The following CADPS variants were observed in gnomAD, a reference collection of about 807,000 sequenced individuals.
CADPS encodes calcium dependent secretion activator, also known as calcium-dependent secretion activator 1.
In CADPS, 57 loss-of-function variants were observed where a neutral mutation model predicts 167.3. The observed-to-expected ratio is 0.34, with a 90% CI of 0.28 to 0.42. CADPS has a LOEUF of 0.42. CADPS is among the 20% of genes least tolerant of loss of function. The pLI is 1.00. For missense variants in CADPS, 1,414 were observed against 1,738.1 expected, an observed-to-expected ratio of 0.81 and a Z score of 3.32; for synonymous variants, 676 against 635.3, an observed-to-expected ratio of 1.06 and a Z score of -0.96.
At chr3:62,432,140 T>C (rs2054110688) in intron 28 of CADPS, among the ~76,000 whole-genome samples, 1 of 152,088 alleles carries the variant, frequency 6.6e-6, no homozygotes, top group Non-Finnish European at 1.5e-5. Context: ...CTAGGCTATT[T>C]CAAAATCACT....
At chr3:62,454,384 T>C (rs2058434354) in intron 26 of CADPS, among the ~76,000 whole-genome samples, 1 of 152,178 alleles carries the variant, frequency 6.6e-6, no homozygotes, top group Non-Finnish European at 1.5e-5. Context: ...CTTGTCTTCT[T>C]CCTTTATGAA....
chr3:62,558,520 T>G (rs138023125), intron 9 of CADPS, among the ~76,000 whole-genome samples: 75 of 152,376 alleles, frequency 4.9e-4, no homozygotes, highest in African/African-American at 1.8e-3. Context: ...TCCCTTAGTT[T>G]CCTTTATTAA....
At chr3:62,667,283 T>A (rs534588790) in intron 3 of CADPS, among the ~76,000 whole-genome samples, 1 of 152,216 alleles carries the variant, frequency 6.6e-6, no homozygotes, top group South Asian at 2.1e-4. Context: ...TCACCAGATG[T>A]TAATTCTCCT....
intron 1 of CADPS, among the ~76,000 whole-genome samples, chr3:62,784,676 CG>C (rs1374474508): frequency 2.0e-5 from 3 of 149,956 alleles, no homozygotes; most frequent in South Asian, 2.1e-4. Context: ...ATAATACCAA[CG>C]GGTGTAACCA....
At chr3:62,608,287 C>CA (rs1562843346) in intron 6 of CADPS, among the ~76,000 whole-genome samples, 1 of 141,976 alleles carries the variant, frequency 7.0e-6, no homozygotes, top group Non-Finnish European at 1.5e-5. Context: ...GTTGTTGTTG[C>CA]TTTTTTTTTT....
At chr3:62,810,662 T>C (rs535807862) in intron 1 of CADPS, among the ~76,000 whole-genome samples, 33 of 152,342 alleles carry the variant, frequency 2.2e-4, no homozygotes, top group Non-Finnish European at 1.9e-4. Context: ...AATCCATGTC[T>C]TTGCATGCTA....
In CADPS at chr3:62,408,535, A is replaced by C. The variant is rs535169725; in HGVS notation, c.3778-5350T>G. Reference sequence around the variant, plus strand: ...GGTAATTAACACCTTACTGGACATTATAGGATTCACAGAAAATGGGCTTTC... The same window carrying C: ...GGTAATTAACACCTTACTGGACATTCTAGGATTCACAGAAAATGGGCTTTC... On this transcript the variant is annotated intron_variant, in intron 28 of 29. Transcript: ENST00000383710. Among the ~76,000 whole-genome samples the C allele has an allele frequency of 3.9e-5, 6 of 152,278 alleles. No homozygotes were observed. The South Asian group carries it at 1.2e-3, about 32-fold the overall frequency.
At chr3:62,769,380 T>G (rs561803422) in intron 1 of CADPS, among the ~76,000 whole-genome samples, 9 of 152,100 alleles carry the variant, frequency 5.9e-5, no homozygotes, top group East Asian at 5.8e-4. Context: ...TATGGGTGTG[T>G]GCCTCTACAG....
In CADPS at chr3:62,399,517, C is replaced by G. The variant is rs368491888; in HGVS notation, c.3951G>C (p.Thr1317=). Residue 1317 remains threonine (T), a synonymous_variant, in exon 30 of 30, where the codon ACG becomes ACC. Coordinates refer to ENST00000383710, the MANE Select transcript of CADPS (RefSeq NM_003716.4). The surrounding 1 kb of genome is among the most constrained non-coding windows in gnomAD (Gnocchi z 5.6). ...CCTCCACAGTGAGACGGTTCCGGAT[C>G]GTTTCATAGGTCTTGCTGTTTAAGG... ...DSTLNSKTYE[T]IRNRLTVEEA... 2 of 1,614,072 alleles carry G rather than the reference C, an allele frequency of 1.2e-6. No homozygotes were observed. Among genetic ancestry groups the G allele is most frequent in the Admixed American group, 3.3e-5 (2 of 60,012 alleles).
chr3:62,575,858 G>T (rs907195384), intron 8 of CADPS, among the ~76,000 whole-genome samples: 8 of 152,184 alleles, frequency 5.3e-5, no homozygotes, highest in Non-Finnish European at 7.4e-5. Context: ...TTTTCCTTTG[G>T]AAAGTCTGCT....
chr3:62,592,785 C>A (rs764935562), intron 6 of CADPS, 37 bp from the exon 7 acceptor site: 1 of 1,480,862 alleles, frequency 6.8e-7, no homozygotes. Flanking sequence ...GTAGACATAT[C>A]TGCCTTGATG....
chr3:62,793,330 A>G (rs17067195), intron 1 of CADPS, among the ~76,000 whole-genome samples: 10,476 of 152,282 alleles, frequency 0.069, 1,117 homozygotes, highest in African/African-American at 0.23. Context: ...AAAGGAATCC[A>G]AAACAGACCT....
At chr3:62,525,751 G>C (rs546933008) in intron 13 of CADPS, among the ~76,000 whole-genome samples, 6 of 152,052 alleles carry the variant, frequency 3.9e-5, no homozygotes, top group African/African-American at 2.4e-5. Flanking sequence ...ATGAGAAAGA[G>C]AGAGGACGGA....
chr3:62,689,381 T>C (rs997188915), intron 3 of CADPS, among the ~76,000 whole-genome samples: 2 of 152,050 alleles, frequency 1.3e-5, no homozygotes, highest in African/African-American at 4.8e-5. Flanking sequence ...CAAGAGATAA[T>C]GCCAAGAGAA....
chr3:62,691,294 C>T (rs6445284), intron 3 of CADPS, among the ~76,000 whole-genome samples: 23,981 of 151,802 alleles, frequency 0.16, 2,246 homozygotes, highest in Admixed American at 0.25. Flanking sequence ...CTAATGTAAA[C>T]CAAGAGCGAA....
At chr3:62,867,399 A>G (rs936038603) in intron 1 of CADPS, among the ~76,000 whole-genome samples, 4 of 152,088 alleles carry the variant, frequency 2.6e-5, no homozygotes, top group Admixed American at 6.5e-5. Context: ...GGCATTAGCC[A>G]TTTAAAATAT....
chr3:62,659,283 G>C (rs924073206), intron 4 of CADPS, among the ~76,000 whole-genome samples: 1 of 152,116 alleles, frequency 6.6e-6, no homozygotes, highest in African/African-American at 2.4e-5. Flanking sequence ...GAGGTGATTT[G>C]TCTTAATATC....
intron 1 of CADPS, among the ~76,000 whole-genome samples, chr3:62,851,036 CTTT>C (rs1229495297): frequency 7.6e-6 from 1 of 131,556 alleles, no homozygotes; most frequent in East Asian, 2.2e-4. Context: ...TAATGGCCTT[CTTT>C]GTCTCTTTTG....
chr3:62,766,493 G>A (rs1407904070), intron 1 of CADPS, among the ~76,000 whole-genome samples: 1 of 152,118 alleles, frequency 6.6e-6, no homozygotes, highest in African/African-American at 2.4e-5. Flanking sequence ...AGCAAACACA[G>A]CACTGCACAT....
Sources: gnomAD v4.1 joint callset for allele counts (sites outside exome capture counted in the v4.1 genomes callset) on GRCh38, gnomAD v4.1.1 for gene constraint, Gnocchi (gnomAD v3.1) non-coding constraint, MANE v1.5 for transcripts, NCBI Gene and HGNC (gene_info 2026-07-23, HGNC 2026-07-21) for gene names.